The following DLGAP1 variants were observed in gnomAD, a reference collection of about 807,000 sequenced individuals.
DLGAP1 encodes the protein disks large-associated protein 1.
A neutral mutation model predicts 90.8 loss-of-function variants in DLGAP1; 11 were observed. That is an observed-to-expected ratio of 0.12 (90% CI 0.08 to 0.20). The LOEUF (loss-of-function observed/expected upper bound fraction) is 0.20, where lower values mean the gene tolerates loss of function less well. Ranked by LOEUF, DLGAP1 falls within the 10% of genes least tolerant of loss-of-function variation. The probability of loss-of-function intolerance (pLI) is 1.00; values close to 1 mark genes in which losing one functional copy is unlikely to be tolerated. For missense variants in DLGAP1, 1,050 were observed against 1,333.8 expected (o/e 0.79, Z 3.31); for synonymous variants, 558 against 540.7 (o/e 1.03, Z -0.44).
At chr18:4,400,226 T>A (rs1286691042) in intron 1 of DLGAP1, among the ~76,000 whole-genome samples, 1 of 152,186 alleles carries the variant, frequency 6.6e-6, no homozygotes, top group Non-Finnish European at 1.5e-5. Flanking sequence ...GTGTTCCCTT[T>A]AGGACTAGAG....
intron 1 of DLGAP1, among the ~76,000 whole-genome samples, chr18:4,394,166 C>T (rs1567886416): frequency 6.6e-6 from 1 of 151,980 alleles, no homozygotes; most frequent in Non-Finnish European, 1.5e-5. Context: ...TATGTGAAGA[C>T]AAAACAGTAA....
chr18:4,213,111 T>C (rs192395082), intron 1 of DLGAP1, among the ~76,000 whole-genome samples: 1 of 152,166 alleles, frequency 6.6e-6, no homozygotes, highest in Non-Finnish European at 1.5e-5. Context: ...AATTAGACTT[T>C]GAAGGTATAA....
At chr18:4,281,929 AG>A (rs1171564640) in intron 1 of DLGAP1, among the ~76,000 whole-genome samples, 3 of 152,234 alleles carry the variant, frequency 2.0e-5, no homozygotes, top group African/African-American at 4.8e-5. Context: ...TAATGTAAGA[AG>A]GGTAGTCTAT....
At chr18:3,728,081 G>C (rs2062252904) in intron 7 of DLGAP1, 1 of 152,092 alleles carries the variant, frequency 6.6e-6, no homozygotes, top group Non-Finnish European at 1.5e-5. Flanking sequence ...GGAAGTTCTA[G>C]ACTGAATGAT....
chr18:4,106,262 G>T (rs1182861787), intron 2 of DLGAP1, among the ~76,000 whole-genome samples: 1 of 152,078 alleles, frequency 6.6e-6, no homozygotes, highest in Non-Finnish European at 1.5e-5. Flanking sequence ...AGCTCACACA[G>T]AAGCCCGGGT....
At chr18:3,533,597 TG>T (rs1401889164) in intron 10 of DLGAP1, among the ~76,000 whole-genome samples, 2 of 152,132 alleles carry the variant, frequency 1.3e-5, no homozygotes, top group Non-Finnish European at 2.9e-5. Flanking sequence ...TTTTTAGAGA[TG>T]GGTTCTTGCT....
intron 1 of DLGAP1, among the ~76,000 whole-genome samples, chr18:4,328,000 T>C (rs2080861546): frequency 6.7e-6 from 1 of 150,280 alleles, no homozygotes; most frequent in African/African-American, 2.5e-5. Flanking sequence ...TGAATTGTCA[T>C]AAATCCCCTA....
intron 3 of DLGAP1, among the ~76,000 whole-genome samples, chr18:3,902,461 C>G (rs1008300899): frequency 6.6e-6 from 1 of 152,184 alleles, no homozygotes; most frequent in Middle Eastern, 3.2e-3. Context: ...CACTGGCATA[C>G]AGTAGGTGCT....
intron 2 of DLGAP1, among the ~76,000 whole-genome samples, chr18:4,017,717 C>T (rs915073869): frequency 1.3e-5 from 2 of 152,188 alleles, no homozygotes; most frequent in Non-Finnish European, 2.9e-5. Flanking sequence ...CAGAATACAG[C>T]GGAGACAAGA....
intron 9 of DLGAP1, among the ~76,000 whole-genome samples, chr18:3,561,277 AAAC>A (rs1440534842): frequency 1.2e-4 from 17 of 138,828 alleles, no homozygotes; most frequent in East Asian, 2.2e-4. Flanking sequence ...AAAAAAAAAA[AAAC>A]AAACAAAAAA....
intron 9 of DLGAP1, among the ~76,000 whole-genome samples, chr18:3,551,437 C>T (rs2053415119): frequency 6.6e-6 from 1 of 151,602 alleles, no homozygotes; most frequent in Admixed American, 6.6e-5. Context: ...TTAGTAGAGA[C>T]AAGGTTTCAC....
intron 5 of DLGAP1, 64 bp downstream of exon 5, chr18:3,813,995 A>G: frequency 6.5e-7 from 1 of 1,527,994 alleles, no homozygotes; most frequent in Non-Finnish European, 9.1e-7. Context: ...GAGACACACC[A>G]TCTGAGCCTC....
chr18:4,182,098 G>A (rs55917962), intron 1 of DLGAP1, among the ~76,000 whole-genome samples: 12,132 of 152,112 alleles, frequency 0.08, 1,214 homozygotes, highest in East Asian at 0.24. Context: ...GAAGCTAGCC[G>A]TGGAAAAAGT....
chr18:3,842,897 T>G (rs1193915186), intron 4 of DLGAP1, among the ~76,000 whole-genome samples: 1 of 152,174 alleles, frequency 6.6e-6, no homozygotes, highest in African/African-American at 2.4e-5. Context: ...CCAAGTCCAG[T>G]GATACTTTAG....
chr18:3,736,153 T>G (rs1385113294), intron 6 of DLGAP1, among the ~76,000 whole-genome samples: 1 of 152,088 alleles, frequency 6.6e-6, no homozygotes, highest in East Asian at 1.9e-4. Flanking sequence ...CCATTCCAGA[T>G]GAAAATACCT....
intron 3 of DLGAP1, among the ~76,000 whole-genome samples, chr18:3,933,043 A>T (rs73940299): frequency 0.028 from 4,197 of 152,270 alleles, 200 homozygotes; most frequent in African/African-American, 0.095. Flanking sequence ...TACAGATTCC[A>T]TGGGGAAACT....
At chr18:3,932,229 G>C (rs1159586443) in intron 3 of DLGAP1, among the ~76,000 whole-genome samples, 1 of 152,158 alleles carries the variant, frequency 6.6e-6, no homozygotes, top group East Asian at 1.9e-4. Context: ...GGTTGTCCTG[G>C]CAGCTTGAGG....
intron 5 of DLGAP1, chr18:3,771,389 G>A (rs2064529630): frequency 6.6e-6 from 1 of 152,282 alleles, no homozygotes; most frequent in Non-Finnish European, 1.5e-5. Flanking sequence ...GCGCCCCCGT[G>A]GAAGGACGGT....
chr18:3,614,459 A>T (rs2057762463), intron 7 of DLGAP1, among the ~76,000 whole-genome samples: 1 of 152,106 alleles, frequency 6.6e-6, no homozygotes, highest in Admixed American at 6.6e-5. Flanking sequence ...TCCCCTCTCA[A>T]CCATCCCCAA....
Sources: gnomAD v4.1 joint callset for allele counts (sites outside exome capture counted in the v4.1 genomes callset) on GRCh38, gnomAD v4.1.1 for gene constraint, MANE v1.5 for transcripts, NCBI Gene and HGNC (gene_info 2026-07-23, HGNC 2026-07-21) for gene names.